Variants in SLC9A9 observed in about 807,000 individuals in gnomAD.
The protein encoded by SLC9A9 is solute carrier family 9 member A9, also known as sodium/hydrogen exchanger 9.
Under a neutral mutation model 77.8 loss-of-function variants are expected in SLC9A9, and 62 were observed. The observed-to-expected ratio is 0.80, with a 90% CI of 0.65 to 0.98. The LOEUF (loss-of-function observed/expected upper bound fraction) is 0.98, where lower values mean the gene tolerates loss of function less well. SLC9A9 is among the 50% of genes least tolerant of loss of function. The pLI is 0.00. For synonymous variants in SLC9A9, 320 were observed against 283.5 expected (o/e 1.13, Z -1.29); for missense variants, 775 against 774.9 (o/e 1.00, Z 0.00).
At chr3:143,832,651 C>A (rs77026175) in intron 1 of SLC9A9, among the ~76,000 whole-genome samples, 3 of 151,898 alleles carry the variant, frequency 2.0e-5, no homozygotes, top group Non-Finnish European at 4.4e-5. Flanking sequence ...TGTCACACCC[C>A]ATGGTTGGGG....
intron 4 of SLC9A9, among the ~76,000 whole-genome samples, chr3:143,699,359 A>C (rs1933732716): frequency 6.6e-6 from 1 of 152,196 alleles, no homozygotes; most frequent in Non-Finnish European, 1.5e-5. Context: ...ATAAGAACCA[A>C]ATAGCAGGTG....
chr3:143,624,184 G>A (rs2038274652), intron 6 of SLC9A9, among the ~76,000 whole-genome samples: 1 of 152,132 alleles, frequency 6.6e-6, no homozygotes, highest in South Asian at 2.1e-4. Context: ...TCTACCAGAG[G>A]TACAAGGAGG....
intron 14 of SLC9A9, chr3:143,314,564 A>G (rs977768481): frequency 6.6e-5 from 10 of 152,272 alleles, no homozygotes; most frequent in South Asian, 2.1e-4. Context: ...ACAAAGCTCC[A>G]TGGAAACGAA....
At chr3:143,578,317 T>C (rs1021651213) in intron 7 of SLC9A9, among the ~76,000 whole-genome samples, 2 of 152,192 alleles carry the variant, frequency 1.3e-5, no homozygotes, top group Non-Finnish European at 2.9e-5. Flanking sequence ...GATATTTATT[T>C]AAGGCTGTTG....
intron 4 of SLC9A9, among the ~76,000 whole-genome samples, chr3:143,740,096 T>G (rs1310765873): frequency 6.6e-6 from 1 of 152,202 alleles, no homozygotes; most frequent in Non-Finnish European, 1.5e-5. Context: ...TAAGAGATCC[T>G]GGATATCTCT....
At chr3:143,370,443 G>A (rs1283191032) in intron 13 of SLC9A9, among the ~76,000 whole-genome samples, 2 of 152,078 alleles carry the variant, frequency 1.3e-5, no homozygotes, top group Non-Finnish European at 2.9e-5. Flanking sequence ...AGAGAGAGGA[G>A]GAAGTTCACA....
chr3:143,299,068 A>AT (rs1371968514), intron 14 of SLC9A9, among the ~76,000 whole-genome samples: 1 of 152,200 alleles, frequency 6.6e-6, no homozygotes, highest in African/African-American at 2.4e-5. Flanking sequence ...GTGGGTGCTC[A>AT]AGAAATGTCA....
intron 14 of SLC9A9, among the ~76,000 whole-genome samples, chr3:143,334,117 C>G (rs1324182241): frequency 6.6e-6 from 1 of 152,092 alleles, no homozygotes; most frequent in Admixed American, 6.6e-5. Flanking sequence ...AATTGGAATT[C>G]TTGTTGTTTT....
At chr3:143,287,344 T>C (rs1190036363) in intron 14 of SLC9A9, among the ~76,000 whole-genome samples, 1 of 152,020 alleles carries the variant, frequency 6.6e-6, no homozygotes, top group South Asian at 2.1e-4. Flanking sequence ...ATTTGATGAC[T>C]CGAAATAGTC....
At chr3:143,703,932 C>T (rs79934970) in intron 4 of SLC9A9, among the ~76,000 whole-genome samples, 3,557 of 152,158 alleles carry the variant, frequency 0.023, 146 homozygotes, top group African/African-American at 0.08. Context: ...CTACCCTGAG[C>T]AACTATATGG....
chr3:143,404,576 T>C (rs1159292213), intron 12 of SLC9A9, among the ~76,000 whole-genome samples: 1 of 152,162 alleles, frequency 6.6e-6, no homozygotes, highest in African/African-American at 2.4e-5. Flanking sequence ...TGCATTCCCC[T>C]AGCCCGCCCC....
chr3:143,631,460 G>T (rs1315540990), intron 6 of SLC9A9, among the ~76,000 whole-genome samples: 1 of 152,130 alleles, frequency 6.6e-6, no homozygotes. Flanking sequence ...GGGTACTCTT[G>T]TTCAATATTA....
At chr3:143,579,666 A>C (rs1414456975) in intron 6 of SLC9A9, among the ~76,000 whole-genome samples, 1 of 152,198 alleles carries the variant, frequency 6.6e-6, no homozygotes, top group Non-Finnish European at 1.5e-5. Flanking sequence ...AGGAAAAATC[A>C]AGAGTTTAGC....
chr3:143,328,468 C>T (rs2031667653), intron 14 of SLC9A9, among the ~76,000 whole-genome samples: 1 of 152,232 alleles, frequency 6.6e-6, no homozygotes, highest in Non-Finnish European at 1.5e-5. Flanking sequence ...TAAACTTCCA[C>T]TATCTTAATG....
chr3:143,790,248 TTTTCTTTATAA>T (rs1350983603), intron 4 of SLC9A9, among the ~76,000 whole-genome samples: 1 of 152,188 alleles, frequency 6.6e-6, no homozygotes, highest in Non-Finnish European at 1.5e-5. Context: ...ATTAAACCTC[TTTTCTTTATAA>T]ATTACCCAGT....
chr3:143,549,607 T>G (rs186952583), intron 9 of SLC9A9, among the ~76,000 whole-genome samples: 76 of 152,240 alleles, frequency 5.0e-4, no homozygotes, highest in Admixed American at 8.5e-4. Context: ...AAAAGAGAAT[T>G]CTGTAAAAAT....
At chr3:143,552,291 A>C in intron 9 of SLC9A9, 71 bp downstream of exon 9, 1 of 1,091,636 alleles carries the variant, frequency 9.2e-7, no homozygotes, top group East Asian at 2.4e-5. Flanking sequence ...TTCTGACTAT[A>C]CTGCCAGAAT....
At chr3:143,492,217 G>T (rs939752900) in intron 11 of SLC9A9, among the ~76,000 whole-genome samples, 3 of 151,228 alleles carry the variant, frequency 2.0e-5, no homozygotes, top group Admixed American at 6.6e-5. Context: ...ACATGAACCT[G>T]GGGGGCAGAG....
chr3:143,489,432 T>C (rs988081770), intron 11 of SLC9A9, among the ~76,000 whole-genome samples: 1 of 151,742 alleles, frequency 6.6e-6, no homozygotes, highest in Admixed American at 6.6e-5. Context: ...ACCAAAACAA[T>C]CTTGAAAAAG....
Sources: allele counts gnomAD v4.1 joint callset (sites outside exome capture counted in the v4.1 genomes callset), GRCh38; gene constraint gnomAD v4.1.1; transcripts MANE v1.5; gene names NCBI Gene and HGNC (gene_info 2026-07-23, HGNC 2026-07-21).